TNFSF13B: variants seen among roughly 807,000 people sequenced by gnomAD.
TNFSF13B encodes the protein TNF superfamily member 13b, also known as tumor necrosis factor ligand superfamily member 13B.
Under a neutral mutation model 29.1 loss-of-function variants are expected in TNFSF13B, and 8 were observed. The observed-to-expected ratio is 0.27, with a 90% CI of 0.16 to 0.50. TNFSF13B has a LOEUF of 0.50. Among genes scored for constraint, TNFSF13B ranks in the 20% least tolerant of loss-of-function variants. The probability of loss-of-function intolerance (pLI) is 0.98; values close to 1 mark genes in which losing one functional copy is unlikely to be tolerated. For missense variants in TNFSF13B, 248 were observed against 334.9 expected (o/e 0.74, Z 2.03); for synonymous variants, 125 against 130.8 (o/e 0.96, Z 0.30).
rs993285982 is a variant in TNFSF13B at position 108,308,468 on chromosome 13, A to T, written c.*1530A>T. On this transcript the variant is annotated 3_prime_UTR_variant, in exon 6 of 6. Transcript: ENST00000375887. ...TGTGGATTAACAAATAAAAACATTC[A>T]TTGCCTTTTGCCTCATTGTCTGACT... The T allele has an allele frequency of 6.6e-6, 1 of 152,070 alleles. No individual in the cohort carries two copies. Among genetic ancestry groups the T allele is most frequent in the African/African-American group, 2.4e-5 (1 of 41,438 alleles). The allele number at this position is 152,070 out of a possible 1,614,324, so 9.4% of individuals were successfully genotyped here.
intron 2 of TNFSF13B, among the ~76,000 whole-genome samples, chr13:108,274,150 G>C (rs1172318548): frequency 2.0e-5 from 3 of 151,992 alleles, no homozygotes; most frequent in Non-Finnish European, 4.4e-5. Context: ...TTATCAGAAA[G>C]GCTTCTGGTC....
chr13:108,308,028 A>G lies in TNFSF13B; in HGVS notation c.*1090A>G, dbSNP rs1163926565. 1 of 151,868 alleles carries G rather than the reference A, an allele frequency of 6.6e-6. No individual in the cohort carries two copies. Among genetic ancestry groups the G allele is most frequent in the Admixed American group, 6.6e-5 (1 of 15,166 alleles). The allele number at this position is 151,868 out of a possible 1,614,324, so 9.4% of individuals were successfully genotyped here. ...TTCATTTTATAAAGTACCATACTTA[A>G]GAATGCTGTAATACTTATCTTTTAT... On this transcript the variant is annotated 3_prime_UTR_variant, in exon 6 of 6. Transcript: ENST00000375887.
At chr13:108,282,006 T>TA (rs766016141) in intron 2 of TNFSF13B, among the ~76,000 whole-genome samples, 1 of 152,214 alleles carries the variant, frequency 6.6e-6, no homozygotes, top group Non-Finnish European at 1.5e-5. Flanking sequence ...TGTCATAACT[T>TA]ACGTTTACCA....
chr13:108,273,936 TC>T (rs924475591), intron 2 of TNFSF13B, among the ~76,000 whole-genome samples: 49 of 152,194 alleles, frequency 3.2e-4, no homozygotes, highest in African/African-American at 1.2e-3. Flanking sequence ...GACCAACGCC[TC>T]CTTTCCCTCC....
intron 3 of TNFSF13B, among the ~76,000 whole-genome samples, chr13:108,294,932 G>C (rs1268600283): frequency 6.9e-6 from 1 of 144,544 alleles, no homozygotes; most frequent in Non-Finnish European, 1.5e-5. Context: ...AGTCAGTTTT[G>C]GTAGTTTGTG....
At chr13:108,296,302 CTTGATACA>C (rs1242789756) in intron 3 of TNFSF13B, among the ~76,000 whole-genome samples, 2 of 145,698 alleles carry the variant, frequency 1.4e-5, no homozygotes, top group African/African-American at 2.6e-5. Context: ...ATTAGGTATT[CTTGATACA>C]TTGACTCTGT....
At chr13:108,286,938 A>G (rs1008371878) in intron 3 of TNFSF13B, 79 bp downstream of exon 3, 4 of 991,882 alleles carry the variant, frequency 4.0e-6, no homozygotes, top group Non-Finnish European at 4.5e-6. Context: ...TGTGGCACAT[A>G]TACGCTATGG....
chr13:108,292,804 T>C (rs911207960), intron 3 of TNFSF13B, among the ~76,000 whole-genome samples: 3 of 152,176 alleles, frequency 2.0e-5, no homozygotes, highest in African/African-American at 7.2e-5. Flanking sequence ...TAAAACTTCC[T>C]TATATATTAT....
chr13:108,300,836 C>T (rs751926775), intron 3 of TNFSF13B, among the ~76,000 whole-genome samples: 2 of 152,188 alleles, frequency 1.3e-5, no homozygotes, highest in Admixed American at 1.3e-4. Context: ...CACAGGCCGA[C>T]AAGAACATGT....
chr13:108,292,492 G>C (rs1881347292), intron 3 of TNFSF13B, among the ~76,000 whole-genome samples: 1 of 152,036 alleles, frequency 6.6e-6, no homozygotes, highest in South Asian at 2.1e-4. Flanking sequence ...GAGTAGAATT[G>C]CTGAGAAAAT....
chr13:108,279,769 G>T (rs16972209), intron 2 of TNFSF13B, among the ~76,000 whole-genome samples: 5,431 of 152,250 alleles, frequency 0.036, 115 homozygotes, highest in African/African-American at 0.053. Flanking sequence ...GTGAGGTAGG[G>T]ATTCGAATTT....
intron 3 of TNFSF13B, among the ~76,000 whole-genome samples, chr13:108,290,252 T>C (rs1315748880): frequency 6.6e-6 from 1 of 152,188 alleles, no homozygotes; most frequent in Non-Finnish European, 1.5e-5. Context: ...CAGCATAGTA[T>C]TCCATTGTAT....
intron 3 of TNFSF13B, among the ~76,000 whole-genome samples, chr13:108,297,765 C>T (rs893339244): frequency 1.4e-5 from 2 of 145,428 alleles, no homozygotes; most frequent in African/African-American, 5.2e-5. Flanking sequence ...TATCAAAATC[C>T]CCCACCAGAG....
chr13:108,271,931 T>G (rs1880631747), intron 2 of TNFSF13B, among the ~76,000 whole-genome samples: 3 of 152,268 alleles, frequency 2.0e-5, no homozygotes, highest in African/African-American at 7.2e-5. Context: ...ATATATTCAA[T>G]ATAAAATTCA....
At chr13:108,286,342 A>G (rs530539274) in intron 2 of TNFSF13B, among the ~76,000 whole-genome samples, 3 of 151,384 alleles carry the variant, frequency 2.0e-5, no homozygotes, top group Admixed American at 2.0e-4. Context: ...AATCTGTTCA[A>G]TACGTATTAG....
At chr13:108,302,753 TCAC>T in intron 3 of TNFSF13B, 1 of 909,990 alleles carries the variant, frequency 1.1e-6, no homozygotes, top group South Asian at 5.1e-5. Context: ...TGTGTCTTAG[TCAC>T]TTTCTTCTTT....
intron 2 of TNFSF13B, among the ~76,000 whole-genome samples, chr13:108,279,867 G>T (rs1198222385): frequency 6.6e-6 from 1 of 151,922 alleles, no homozygotes; most frequent in Admixed American, 6.6e-5. Context: ...TGTTAATTTT[G>T]TCCGTGATGC....
chr13:108,288,058 ATGTT>A (rs1881194648), intron 3 of TNFSF13B, among the ~76,000 whole-genome samples: 1 of 152,198 alleles, frequency 6.6e-6, no homozygotes, highest in South Asian at 2.1e-4. Flanking sequence ...ACTTTAAAAA[ATGTT>A]TGTTTAACTT....
chr13:108,299,163 A>C lies in TNFSF13B; in HGVS notation c.482-4090A>C, dbSNP rs114017376. Among the ~76,000 whole-genome samples, 837 of 146,168 alleles carry C rather than the reference A, an allele frequency of 5.7e-3. 124 individuals carry two copies. The highest frequency in any genetic ancestry group is 0.021 in the African/African-American group (808 of 39,030). ...TCAGTATTTCATTTTTTGAGGTAAT[A>C]ATCTCAATGCCATTATGTTTTTAAT... is the stretch of plus-strand genomic sequence containing the variant. On this transcript the variant is annotated intron_variant, in intron 3 of 5. Transcript: ENST00000375887.
Sources: allele counts gnomAD v4.1 joint callset (sites outside exome capture counted in the v4.1 genomes callset), GRCh38; gene constraint gnomAD v4.1.1; transcripts MANE v1.5; gene names NCBI Gene and HGNC (gene_info 2026-07-23, HGNC 2026-07-21).